The following FRMD4B variants were observed in gnomAD, a reference collection of about 807,000 sequenced individuals.
The protein encoded by FRMD4B is FERM domain-containing protein 4B.
In FRMD4B, 74 loss-of-function variants were observed where a neutral mutation model predicts 141.5. The ratio of observed to expected loss-of-function variants is 0.52; its 90% CI spans 0.43 to 0.63. FRMD4B has a LOEUF of 0.63. Among genes scored for constraint, FRMD4B ranks in the 30% least tolerant of loss-of-function variants. The pLI is 0.00. For synonymous variants in FRMD4B, 506 were observed against 467.9 expected, an observed-to-expected ratio of 1.08 and a Z score of -1.05; for missense variants, 1,366 against 1,253.4, an observed-to-expected ratio of 1.09 and a Z score of -1.36.
intron 2 of FRMD4B, among the ~76,000 whole-genome samples, chr3:69,403,824 C>T (rs1704607557): frequency 6.6e-6 from 1 of 152,132 alleles, no homozygotes; most frequent in Admixed American, 6.5e-5. Flanking sequence ...CCCCCCACCT[C>T]AACACACACA....
At chr3:69,537,200 G>A (rs1053116410) in intron 1 of FRMD4B, among the ~76,000 whole-genome samples, 5 of 152,288 alleles carry the variant, frequency 3.3e-5, no homozygotes, top group South Asian at 2.1e-4. Flanking sequence ...AAGCCAGCAC[G>A]ATCGCCCTGC....
At chr3:69,504,041 T>C (rs1706550327) in intron 1 of FRMD4B, among the ~76,000 whole-genome samples, 1 of 152,180 alleles carries the variant, frequency 6.6e-6, no homozygotes, top group African/African-American at 2.4e-5. Context: ...ACAAAAATTG[T>C]CCATACTCCT....
intron 2 of FRMD4B, among the ~76,000 whole-genome samples, chr3:69,312,886 CT>C (rs1362892204): frequency 1.3e-5 from 1 of 75,834 alleles, no homozygotes; most frequent in African/African-American, 7.9e-5. Context: ...AAGACTCCGT[CT>C]GAAAAAAAAA....
chr3:69,478,565 A>T (rs1458429734), intron 1 of FRMD4B, among the ~76,000 whole-genome samples: 4 of 152,196 alleles, frequency 2.6e-5, no homozygotes, highest in Non-Finnish European at 4.4e-5. Context: ...CTGTGGTCTG[A>T]GAGACAGTTT....
In FRMD4B at chr3:69,180,920, G is replaced by T. The variant is rs187901513; in HGVS notation, c.2830C>A (p.Arg944Ser). Residue 944 changes from arginine to serine, a missense_variant, in exon 21 of 23, where the codon CGT becomes AGT. Physicochemically the swap from Arg to Ser is moderately radical, Grantham distance 110. Coordinates refer to ENST00000398540, the MANE Select transcript of FRMD4B (RefSeq NM_015123.3). ...GLQVPCSPSSRASSYSSVSST... is the reference protein window; with the variant it reads ...GLQVPCSPSSSASSYSSVSST... ...TCACCTGAAGAGTACGAGGATGCAC[G>T]ACTGCTTGGAGAACAAGGTACTTGC... 6.2e-7 allele frequency: 1 copy of T among 1,608,542 alleles called. No homozygotes were observed. Among genetic ancestry groups the T allele is most frequent in the South Asian group, 1.1e-5 (1 of 90,814 alleles).
At chr3:69,500,944 C>T (rs1187778936) in intron 1 of FRMD4B, among the ~76,000 whole-genome samples, 1 of 152,132 alleles carries the variant, frequency 6.6e-6, no homozygotes. Context: ...TAGGCACACG[C>T]ATGTACACAC....
At chr3:69,523,392 G>T (rs192462931) in intron 1 of FRMD4B, among the ~76,000 whole-genome samples, 6 of 152,284 alleles carry the variant, frequency 3.9e-5, no homozygotes, top group Admixed American at 3.3e-4. Flanking sequence ...AAGGCTGGTG[G>T]TAGGGGAGGA....
intron 5 of FRMD4B, among the ~76,000 whole-genome samples, chr3:69,263,969 G>A (rs528866694): frequency 2.6e-5 from 4 of 151,530 alleles, no homozygotes; most frequent in African/African-American, 7.3e-5. Context: ...GGGATTACAG[G>A]CACACACCCC....
At chr3:69,326,204 G>T (rs1051259088) in intron 1 of FRMD4B, among the ~76,000 whole-genome samples, 1 of 145,924 alleles carries the variant, frequency 6.9e-6, no homozygotes, top group Non-Finnish European at 1.5e-5. Flanking sequence ...TGATCCTCCC[G>T]CCTCGGCCTC....
chr3:69,212,381 G>GAAAAAAAAAAAAGAA (rs61444871), intron 11 of FRMD4B, among the ~76,000 whole-genome samples: 1 of 95,596 alleles, frequency 1.0e-5, no homozygotes, highest in African/African-American at 4.0e-5. Flanking sequence ...AAAAAAAAAA[G>GAAAAAAAAAAAAGAA]AAAAAAAAAA....
At chr3:69,455,696 A>AC (rs1407868729) in intron 1 of FRMD4B, among the ~76,000 whole-genome samples, 1 of 152,244 alleles carries the variant, frequency 6.6e-6, no homozygotes, top group Non-Finnish European at 1.5e-5. Flanking sequence ...GCACAAGGTG[A>AC]CCCCAAGTGT....
chr3:69,324,866 G>T (rs555469767), intron 1 of FRMD4B, among the ~76,000 whole-genome samples: 2,150 of 151,974 alleles, frequency 0.014, 29 homozygotes, highest in Non-Finnish European at 0.022. Flanking sequence ...GCTGAGGCGG[G>T]GGGGGATTGC....
chr3:69,192,241 T>A (rs1388184313), intron 17 of FRMD4B, among the ~76,000 whole-genome samples: 1 of 151,746 alleles, frequency 6.6e-6, no homozygotes, highest in Non-Finnish European at 1.5e-5. Context: ...CCAGGCATGG[T>A]GGTGCGTGCC....
Position 69,302,378 on chromosome 3 carries a change from C to T in FRMD4B, c.381G>A (p.Lys127=), listed in dbSNP as rs369841437. 8.1e-6 allele frequency: 13 copies of T among 1,609,738 alleles called. No individual in the cohort carries two copies. The highest frequency in any genetic ancestry group is 1.1e-5 in the Non-Finnish European group (13 of 1,177,226). Residue 127 remains lysine, a synonymous_variant, in exon 4 of 23, where the codon AAG becomes AAA. Transcript: ENST00000398540. ...DHRVLDHDLP[K]KPGPTILHFA... is the part of the protein sequence containing the mutation. Reference sequence around the variant, plus strand: ...AGTGCAAAATGGTTGGGCCTGGTTTCTTGGGCAAATCGTGGTCAAGAACTC... The same window carrying T: ...AGTGCAAAATGGTTGGGCCTGGTTTTTTGGGCAAATCGTGGTCAAGAACTC...
At chr3:69,261,879 G>C (rs562694092) in intron 5 of FRMD4B, among the ~76,000 whole-genome samples, 92 of 152,076 alleles carry the variant, frequency 6.0e-4, no homozygotes, top group Middle Eastern at 3.4e-3. Context: ...CACTATGTTG[G>C]CCAGGCTGGT....
chr3:69,262,703 G>A (rs966941889), intron 5 of FRMD4B, among the ~76,000 whole-genome samples: 1 of 149,894 alleles, frequency 6.7e-6, no homozygotes, highest in East Asian at 2.0e-4. Flanking sequence ...CAGGTGATCC[G>A]CCCGCCTTGG....
chr3:69,203,341 A>AAAAAAAAAAAAAAAAAAAAAAAAAAAAG (rs1553700373), intron 11 of FRMD4B, among the ~76,000 whole-genome samples: 1 of 76,980 alleles, frequency 1.3e-5, no homozygotes, highest in Non-Finnish European at 2.6e-5. Context: ...AAAAAAAAAA[A>AAAAAAAAAAAAAAAAAAAAAAAAAAAAG]AAAGAAAGAA....
intron 1 of FRMD4B, among the ~76,000 whole-genome samples, chr3:69,450,857 T>A (rs911978248): frequency 6.6e-6 from 1 of 152,200 alleles, no homozygotes. Flanking sequence ...ACATTTGCCA[T>A]GAAAAGTCAT....
At chr3:69,204,412 T>G (rs1314738226) in intron 11 of FRMD4B, among the ~76,000 whole-genome samples, 2 of 152,192 alleles carry the variant, frequency 1.3e-5, no homozygotes, top group African/African-American at 4.8e-5. Context: ...GTTAATCATT[T>G]AACTGCAAAT....
Sources: allele counts gnomAD v4.1 joint callset (sites outside exome capture counted in the v4.1 genomes callset), GRCh38; gene constraint gnomAD v4.1.1; transcripts MANE v1.5; gene names NCBI Gene and HGNC (gene_info 2026-07-23, HGNC 2026-07-21).